The following PTPDC1 variants were observed in gnomAD, a reference collection of about 807,000 sequenced individuals.
PTPDC1 encodes the protein protein tyrosine phosphatase domain containing 1, also known as protein tyrosine phosphatase domain-containing protein 1.
Under a neutral mutation model 75.3 loss-of-function variants are expected in PTPDC1, and 53 were observed. The observed-to-expected ratio is 0.70, with a 90% CI of 0.56 to 0.88. PTPDC1 has a LOEUF of 0.88. PTPDC1 is among the 40% of genes least tolerant of loss of function. The pLI is 0.00. For synonymous variants in PTPDC1, 349 were observed against 366.2 expected, an observed-to-expected ratio of 0.95 and a Z score of 0.54; for missense variants, 925 against 998.6, an observed-to-expected ratio of 0.93 and a Z score of 0.99.
chr9:94,041,742 T>C (rs1294585842), intron 1 of PTPDC1, among the ~76,000 whole-genome samples: 3 of 152,216 alleles, frequency 2.0e-5, no homozygotes, highest in African/African-American at 7.2e-5. Flanking sequence ...CTTCCCTACT[T>C]TTCTGGCAAT....
At chr9:94,070,701 T>A (rs1401737628) in intron 2 of PTPDC1, among the ~76,000 whole-genome samples, 2 of 152,228 alleles carry the variant, frequency 1.3e-5, no homozygotes, top group Non-Finnish European at 1.5e-5. Flanking sequence ...TGGCAACCAC[T>A]ATCTGTTCCC....
At chr9:94,061,836 G>A (rs943495371) in intron 1 of PTPDC1, among the ~76,000 whole-genome samples, 2 of 152,254 alleles carry the variant, frequency 1.3e-5, no homozygotes, top group South Asian at 4.1e-4. Context: ...GTTGGGAGGG[G>A]CTACCTGGAA....
chr9:94,079,128 A>G (rs1826793412), intron 2 of PTPDC1, among the ~76,000 whole-genome samples: 1 of 151,846 alleles, frequency 6.6e-6, no homozygotes, highest in Non-Finnish European at 1.5e-5. Context: ...CCCTCCCCGG[A>G]CTTGTTTTTG....
At chr9:94,050,943 C>T (rs1049624418) in intron 1 of PTPDC1, among the ~76,000 whole-genome samples, 2 of 152,188 alleles carry the variant, frequency 1.3e-5, no homozygotes, top group African/African-American at 4.8e-5. Flanking sequence ...TGGCTGCCAC[C>T]TTGCCGTTTG....
chr9:94,093,155 A>T (rs1197545313), intron 4 of PTPDC1, among the ~76,000 whole-genome samples: 1 of 152,096 alleles, frequency 6.6e-6, no homozygotes, highest in Non-Finnish European at 1.5e-5. Flanking sequence ...TTTGCTCGTT[A>T]GTTGATGCAG....
chr9:94,076,074 A>C (rs1448867962), intron 2 of PTPDC1, among the ~76,000 whole-genome samples: 5 of 152,096 alleles, frequency 3.3e-5, no homozygotes, highest in African/African-American at 1.2e-4. Context: ...ATCTTGGCTC[A>C]CTGCAACCTC....
At chr9:94,088,494 AT>A (rs1827156560) in intron 4 of PTPDC1, among the ~76,000 whole-genome samples, 1 of 152,206 alleles carries the variant, frequency 6.6e-6, no homozygotes, top group South Asian at 2.1e-4. Flanking sequence ...AATGATTAAC[AT>A]TTAGTTAATG....
Position 94,054,308 on chromosome 9 carries a change from G to A in PTPDC1, c.-6-10426G>A, listed in dbSNP as rs1394915884. On this transcript the variant is annotated intron_variant, in intron 1 of 9. Coordinates refer to the PTPDC1 transcript ENST00000375360. Reference sequence around the variant, plus strand: ...TGAAGTTCACAGGATTACTGTAGCTGCTGTATTGAGAATAGACTGACTTAC... The same window carrying A: ...TGAAGTTCACAGGATTACTGTAGCTACTGTATTGAGAATAGACTGACTTAC... 5.9e-5 allele frequency among the ~76,000 whole-genome samples: 9 copies of A among 152,318 alleles called. No homozygotes were observed. In the East Asian group the frequency reaches 1.7e-3, roughly 29 times the overall value.
At chr9:94,040,882 C>G (rs970665278) in intron 1 of PTPDC1, among the ~76,000 whole-genome samples, 8 of 152,184 alleles carry the variant, frequency 5.3e-5, no homozygotes, top group African/African-American at 1.9e-4. Flanking sequence ...TTATAGTATT[C>G]ACTGTCATCA....
chr9:94,069,855 C>T (rs1281332137), intron 2 of PTPDC1, among the ~76,000 whole-genome samples: 12 of 136,410 alleles, frequency 8.8e-5, no homozygotes, highest in East Asian at 2.1e-4. Context: ...GACGGAGTCT[C>T]GCTCTGTCGC....
In PTPDC1 at chr9:94,105,649, A is replaced by G. The variant is rs1332676519; in HGVS notation, c.2310+1264A>G. Among the ~76,000 whole-genome samples, 4 of 131,508 alleles carry G rather than the reference A, an allele frequency of 3.0e-5. No homozygotes were observed. In the South Asian group the frequency reaches 1.0e-3, roughly 34 times the overall value. 86.3% of individuals were successfully genotyped at this position (131,508 alleles called of 152,430 possible). On this transcript the variant is annotated intron_variant, in intron 8 of 8. Transcript: ENST00000620992. ...CGCCACTGCACTCCGGCCTGGCAAC[A>G]GAGCGAGACTCTGTCTCAAAAAAAA...
At chr9:94,038,349 T>C (rs566788553) in intron 1 of PTPDC1, 2 of 566,232 alleles carry the variant, frequency 3.5e-6, no homozygotes, top group South Asian at 1.8e-5. Context: ...TGAGTAATTA[T>C]TGACCACTGC....
chr9:94,038,494 T>C (rs1825341702), intron 1 of PTPDC1: 2 of 260,996 alleles, frequency 7.7e-6, no homozygotes, highest in East Asian at 1.9e-4. Flanking sequence ...GATTTAAGAC[T>C]GGCTTGTGGT....
chr9:94,088,247 T>G lies in PTPDC1; in HGVS notation c.600T>G (p.Ala200=), dbSNP rs777025522. The G allele has an allele frequency of 6.2e-7, 1 of 1,613,928 alleles. No homozygotes were observed. Residue 200 remains alanine, a synonymous_variant, in exon 4 of 9, where the codon GCT becomes GCG. Transcript: ENST00000620992. ...GTGGCTTCACATACCTTCCTGAGGC[T>G]TTCATGGAGGCTGGCAGTAAGTTCC... is the stretch of plus-strand genomic sequence containing the variant. ...QESGFTYLPE[A]FMEAGIYFYN... is the part of the protein sequence containing the mutation.
intron 5 of PTPDC1, among the ~76,000 whole-genome samples, chr9:94,096,556 T>C (rs1031875774): frequency 4.6e-5 from 7 of 152,176 alleles, no homozygotes; most frequent in African/African-American, 1.7e-4. Flanking sequence ...AATTTATTAA[T>C]TATTACCTTT....
chr9:94,102,433 G>T (rs1827875627), intron 7 of PTPDC1, among the ~76,000 whole-genome samples: 1 of 151,702 alleles, frequency 6.6e-6, no homozygotes, highest in Non-Finnish European at 1.5e-5. Context: ...TGGTAATAGT[G>T]GTCACCTTTA....
chr9:94,092,465 C>A (rs1169124599), intron 4 of PTPDC1, among the ~76,000 whole-genome samples: 41 of 143,140 alleles, frequency 2.9e-4, no homozygotes, highest in Non-Finnish European at 4.4e-4. Flanking sequence ...GTTATAATTT[C>A]TGTTCTTTTA....
intron 1 of PTPDC1, among the ~76,000 whole-genome samples, chr9:94,040,883 A>G (rs1231994032): frequency 6.6e-6 from 1 of 152,154 alleles, no homozygotes; most frequent in African/African-American, 2.4e-5. Flanking sequence ...TATAGTATTC[A>G]CTGTCATCAT....
intron 6 of PTPDC1, chr9:94,100,754 C>T (rs529410261): frequency 2.2e-5 from 2 of 89,100 alleles, no homozygotes; most frequent in African/African-American, 7.3e-5. Context: ...TGAATGGTAG[C>T]AATTATTACA....
Sources: allele counts gnomAD v4.1 joint callset (sites outside exome capture counted in the v4.1 genomes callset), GRCh38; gene constraint gnomAD v4.1.1; transcripts MANE v1.5; gene names NCBI Gene and HGNC (gene_info 2026-07-23, HGNC 2026-07-21).